PTPRM: variants seen among roughly 807,000 people sequenced by gnomAD.
The protein encoded by PTPRM is receptor-type tyrosine-protein phosphatase mu.
In PTPRM, 47 loss-of-function variants were observed where a neutral mutation model predicts 186.7. That is an observed-to-expected ratio of 0.25 (90% CI 0.20 to 0.32). The LOEUF is 0.32. PTPRM is among the 10% of genes least tolerant of loss of function. PTPRM has a pLI of 1.00. For synonymous variants in PTPRM, 668 were observed against 674.9 expected, an observed-to-expected ratio of 0.99 and a Z score of 0.16; for missense variants, 1,494 against 1,865.0, an observed-to-expected ratio of 0.80 and a Z score of 3.66.
chr18:7,779,120 C>T (rs777172727), intron 2 of PTPRM, among the ~76,000 whole-genome samples: 69 of 152,224 alleles, frequency 4.5e-4, no homozygotes, highest in Admixed American at 9.2e-4. Flanking sequence ...GTGAAGGTAA[C>T]TTATAATCAT....
intron 2 of PTPRM, among the ~76,000 whole-genome samples, chr18:7,864,629 G>A (rs760178578): frequency 3.9e-5 from 6 of 152,118 alleles, no homozygotes; most frequent in South Asian, 4.2e-4. Flanking sequence ...GTCAGGTAGC[G>A]TGATGTCTCC....
intron 7 of PTPRM, among the ~76,000 whole-genome samples, chr18:8,050,444 A>G (rs2087400342): frequency 6.7e-6 from 1 of 149,212 alleles, no homozygotes. Flanking sequence ...ATGAATATGA[A>G]TATGAATATT....
intron 21 of PTPRM, among the ~76,000 whole-genome samples, chr18:8,318,893 T>G (rs1206448953): frequency 2.0e-5 from 3 of 152,260 alleles, no homozygotes; most frequent in Non-Finnish European, 4.4e-5. Flanking sequence ...ATGCTCATGT[T>G]ATTTCAGAGA....
At chr18:7,929,386 T>C (rs2051350708) in intron 5 of PTPRM, among the ~76,000 whole-genome samples, 1 of 152,168 alleles carries the variant, frequency 6.6e-6, no homozygotes, top group Non-Finnish European at 1.5e-5. Flanking sequence ...TGCTGAGTCT[T>C]TTCTGACCCC....
At chr18:8,045,183 A>G (rs2086960753) in intron 7 of PTPRM, among the ~76,000 whole-genome samples, 1 of 152,150 alleles carries the variant, frequency 6.6e-6, no homozygotes, top group Non-Finnish European at 1.5e-5. Context: ...TCCATCTCTA[A>G]TAAAAAATAC....
rs189838996 is a variant in PTPRM at position 8,372,371 on chromosome 18, G to T, written c.3171+1365G>T. Among the ~76,000 whole-genome samples, 7 of 144,774 alleles carry T rather than the reference G, an allele frequency of 4.8e-5. 1 individual carries two copies. The highest frequency in any genetic ancestry group is 2.1e-4 in the South Asian group (1 of 4,750). 95.0% of individuals were successfully genotyped at this position (144,774 alleles called of 152,430 possible). On this transcript the variant is annotated intron_variant, in intron 24 of 32. Coordinates refer to ENST00000580170, the MANE Select transcript of PTPRM (RefSeq NM_001105244.2). ...TTACAGGCGTGAGCCACCGCGCCCG[G>T]CCTCCACTCTATATTCTCACTGCAT... is the stretch of plus-strand genomic sequence containing the variant.
At chr18:8,227,550 T>A (rs1190322439) in intron 14 of PTPRM, among the ~76,000 whole-genome samples, 1 of 152,196 alleles carries the variant, frequency 6.6e-6, no homozygotes. Flanking sequence ...GAATATGCAA[T>A]TTTATCAGGC....
At chr18:8,291,960 C>G (rs1241795633) in intron 19 of PTPRM, among the ~76,000 whole-genome samples, 5 of 152,100 alleles carry the variant, frequency 3.3e-5, no homozygotes, top group Non-Finnish European at 7.4e-5. Context: ...ACCTCTGCAG[C>G]TGCACATCTG....
intron 14 of PTPRM, among the ~76,000 whole-genome samples, chr18:8,228,890 A>G (rs1338672858): frequency 1.3e-5 from 2 of 151,984 alleles, no homozygotes; most frequent in Non-Finnish European, 2.9e-5. Context: ...TCAGAAATTA[A>G]AATATATATA....
At chr18:8,200,031 T>C (rs548810765) in intron 14 of PTPRM, among the ~76,000 whole-genome samples, 110 of 152,310 alleles carry the variant, frequency 7.2e-4, no homozygotes, top group African/African-American at 2.6e-3. Context: ...AAAAGAGACT[T>C]TACAACTGTC....
chr18:7,905,287 C>T (rs2049922409), intron 3 of PTPRM, among the ~76,000 whole-genome samples: 1 of 152,206 alleles, frequency 6.6e-6, no homozygotes, highest in Non-Finnish European at 1.5e-5. Context: ...GCCACCGCGC[C>T]CAGCCCTGGT....
intron 14 of PTPRM, among the ~76,000 whole-genome samples, chr18:8,225,095 C>T (rs1361346934): frequency 6.6e-6 from 1 of 152,168 alleles, no homozygotes; most frequent in African/African-American, 2.4e-5. Flanking sequence ...AAAATGGTGA[C>T]ATCTTAATTC....
Position 8,380,320 on chromosome 18 carries a change from A to G in PTPRM, c.3811A>G (p.Ile1271Val). 2 of 1,613,922 alleles carry G rather than the reference A, an allele frequency of 1.2e-6. No individual in the cohort carries two copies. Among genetic ancestry groups the G allele is most frequent in the Non-Finnish European group, 1.7e-6 (2 of 1,179,754 alleles). ...MDSYKQPSAF[I>V]VTQHPLPNTV... ...GAGCTATAAACAGCCTTCAGCTTTT[A>G]TAGTCACCCAGCATCCTTTGCCAAA... Residue 1271 changes from isoleucine (I) to valine (V), a missense_variant, in exon 29 of 33, where the codon ATA becomes GTA. Around this residue, in one of 3 missense-constraint regions of PTPRM, gnomAD observed 1,107 missense variants for 1,350.2 expected, o/e 0.82. Coordinates refer to ENST00000580170, the MANE Select transcript of PTPRM (RefSeq NM_001105244.2).
intron 19 of PTPRM, among the ~76,000 whole-genome samples, chr18:8,268,003 T>C (rs2094723123): frequency 6.6e-6 from 1 of 152,188 alleles, no homozygotes; most frequent in South Asian, 2.1e-4. Context: ...TTTTATTGCC[T>C]ACCTTTCCTT....
intron 19 of PTPRM, among the ~76,000 whole-genome samples, chr18:8,268,058 A>G (rs1396022433): frequency 6.6e-6 from 1 of 152,028 alleles, no homozygotes; most frequent in Non-Finnish European, 1.5e-5. Context: ...TTGTGTTTCC[A>G]TAATTTTAGA....
At chr18:7,871,782 A>C (rs1222512158) in intron 2 of PTPRM, among the ~76,000 whole-genome samples, 2 of 152,318 alleles carry the variant, frequency 1.3e-5, no homozygotes, top group East Asian at 3.9e-4. Context: ...CCATTGCAAC[A>C]TCACTGTCTT....
chr18:7,606,068 T>C (rs2037524346), intron 1 of PTPRM, among the ~76,000 whole-genome samples: 1 of 151,966 alleles, frequency 6.6e-6, no homozygotes, highest in Non-Finnish European at 1.5e-5. Flanking sequence ...GAGTGGGAAG[T>C]GGGAGGTGGC....
At chr18:7,600,123 C>G (rs2037363219) in intron 1 of PTPRM, among the ~76,000 whole-genome samples, 1 of 152,214 alleles carries the variant, frequency 6.6e-6, no homozygotes, top group Non-Finnish European at 1.5e-5. Flanking sequence ...TGAAACCTAG[C>G]TCCTCCTGGT....
intron 7 of PTPRM, among the ~76,000 whole-genome samples, chr18:8,048,448 A>T (rs543586572): frequency 2.0e-5 from 3 of 151,832 alleles, no homozygotes; most frequent in African/African-American, 7.3e-5. Flanking sequence ...CTGAGAACAC[A>T]CTCTTCTATT....
Sources: gnomAD v4.1 joint callset for allele counts (sites outside exome capture counted in the v4.1 genomes callset) on GRCh38, gnomAD v4.1.1 for gene constraint, gnomAD v4.1.1 regional missense constraint, MANE v1.5 for transcripts, NCBI Gene and HGNC (gene_info 2026-07-23, HGNC 2026-07-21) for gene names.